MLLT3: variants seen among roughly 807,000 people sequenced by gnomAD.
The protein encoded by MLLT3 is protein AF-9.
In MLLT3, 4 loss-of-function variants were observed where a neutral mutation model predicts 53.2. The ratio of observed to expected loss-of-function variants is 0.08; its 90% confidence interval spans 0.04 to 0.17. The LOEUF is 0.17. Ranked by LOEUF, MLLT3 falls within the 10% of genes least tolerant of loss-of-function variation. The pLI is 1.00. For missense variants in MLLT3, 569 were observed against 684.0 expected (o/e 0.83, Z 1.87); for synonymous variants, 283 against 230.6 (o/e 1.23, Z -2.06).
chr9:20,438,480 GA>G (rs1398826263), intron 4 of MLLT3, among the ~76,000 whole-genome samples: 1 of 152,202 alleles, frequency 6.6e-6, no homozygotes, highest in Non-Finnish European at 1.5e-5. Context: ...TGCAGTAACA[GA>G]AATTATAACT....
intron 4 of MLLT3, among the ~76,000 whole-genome samples, chr9:20,431,580 T>C (rs778015281): frequency 2.0e-5 from 3 of 152,160 alleles, no homozygotes; most frequent in South Asian, 2.1e-4. Flanking sequence ...TTTATGTATA[T>C]GGGTACTTGA....
intron 2 of MLLT3, among the ~76,000 whole-genome samples, chr9:20,614,991 G>T (rs1000228561): frequency 6.8e-6 from 1 of 147,008 alleles, no homozygotes; most frequent in African/African-American, 2.5e-5. Flanking sequence ...TCTACAGAGG[G>T]GCACCTACAA....
At chr9:20,601,716 CTTT>C (rs5896906) in intron 2 of MLLT3, among the ~76,000 whole-genome samples, 1 of 151,918 alleles carries the variant, frequency 6.6e-6, no homozygotes, top group African/African-American at 2.4e-5. Context: ...TAAACCCTTT[CTTT>C]TTTTGTTCCT....
At chr9:20,611,318 A>G (rs1249909782) in intron 2 of MLLT3, among the ~76,000 whole-genome samples, 1 of 152,086 alleles carries the variant, frequency 6.6e-6, no homozygotes, top group African/African-American at 2.4e-5. Flanking sequence ...ATATCTGAAA[A>G]CATTAAGAGG....
intron 2 of MLLT3, among the ~76,000 whole-genome samples, chr9:20,603,001 G>C (rs1820469536): frequency 6.6e-6 from 1 of 151,976 alleles, no homozygotes; most frequent in African/African-American, 2.4e-5. Flanking sequence ...ATATGATATA[G>C]TCTCCCTCTA....
At chr9:20,605,850 T>C (rs1193911786) in intron 2 of MLLT3, among the ~76,000 whole-genome samples, 2 of 152,114 alleles carry the variant, frequency 1.3e-5, no homozygotes, top group Admixed American at 1.3e-4. Flanking sequence ...TCACTTCAAC[T>C]ATTAAGCATT....
intron 2 of MLLT3, among the ~76,000 whole-genome samples, chr9:20,513,751 A>G (rs1371948374): frequency 2.0e-5 from 3 of 152,200 alleles, no homozygotes; most frequent in African/African-American, 7.2e-5. Flanking sequence ...AGGAACCGGG[A>G]GGAGGCAGGG....
At position 20,565,095 on chromosome 9, in the gene MLLT3, A is replaced by ATATATTAGG. The variant is rs1422737544; in HGVS notation, c.193+55550_193+55558dup. 2.6e-5 allele frequency among the ~76,000 whole-genome samples: 4 copies of ATATATTAGG among 152,202 alleles called. No individual in the cohort carries two copies. The East Asian group carries it at 7.7e-4, about 29-fold the overall frequency. On this transcript the variant is annotated intron_variant, in intron 2 of 10. Coordinates refer to ENST00000380338, the MANE Select transcript of MLLT3 (RefSeq NM_004529.4). ...CAAGGAATTAACTGCTTTATTCCAC[A>ATATATTAGG]TATATTAGGTAAAATCTCTGGTTTA...
intron 2 of MLLT3, among the ~76,000 whole-genome samples, chr9:20,563,480 C>A (rs1819271317): frequency 6.6e-6 from 1 of 152,012 alleles, no homozygotes; most frequent in Admixed American, 6.6e-5. Flanking sequence ...ACAAACCAGG[C>A]TAAATACATT....
chr9:20,613,310 A>G (rs1820745853), intron 2 of MLLT3, among the ~76,000 whole-genome samples: 1 of 152,236 alleles, frequency 6.6e-6, no homozygotes, highest in South Asian at 2.1e-4. Context: ...CAATTGTAAA[A>G]AAAAGATTCA....
At chr9:20,554,911 C>T (rs953438074) in intron 2 of MLLT3, among the ~76,000 whole-genome samples, 5 of 152,104 alleles carry the variant, frequency 3.3e-5, no homozygotes, top group Admixed American at 6.5e-5. Context: ...GATACTCAAA[C>T]GGAAGTGGCT....
chr9:20,482,755 T>C (rs2118907270), intron 2 of MLLT3, among the ~76,000 whole-genome samples: 1 of 152,324 alleles, frequency 6.6e-6, no homozygotes, highest in Non-Finnish European at 1.5e-5. Context: ...TCTTTTTTAA[T>C]CCAAGAAGAG....
chr9:20,565,131 T>C (rs1413870573), intron 2 of MLLT3, among the ~76,000 whole-genome samples: 9 of 149,958 alleles, frequency 6.0e-5, no homozygotes, highest in African/African-American at 2.5e-5. Context: ...CTGACTGATA[T>C]GTTTTTTTTT....
intron 5 of MLLT3, among the ~76,000 whole-genome samples, chr9:20,386,094 G>T (rs963084318): frequency 8.5e-5 from 13 of 152,162 alleles, no homozygotes; most frequent in African/African-American, 2.7e-4. Context: ...TTCATATACA[G>T]AACATGTAGA....
At chr9:20,468,048 T>C (rs1432005207) in intron 2 of MLLT3, among the ~76,000 whole-genome samples, 2 of 152,326 alleles carry the variant, frequency 1.3e-5, no homozygotes, top group African/African-American at 4.8e-5. Context: ...CTTGGACATA[T>C]TATGTTCAGT....
At chr9:20,485,368 C>G (rs1267346938) in intron 2 of MLLT3, among the ~76,000 whole-genome samples, 2 of 152,132 alleles carry the variant, frequency 1.3e-5, no homozygotes, top group African/African-American at 4.8e-5. Flanking sequence ...TGTAAAATAT[C>G]TGTTTTGTTA....
rs181818104 is a variant in MLLT3 at position 20,375,350 on chromosome 9, G to A, written c.1126-9606C>T. Among the ~76,000 whole-genome samples the A allele has an allele frequency of 3.2e-4, 49 of 152,208 alleles. 1 individual carries two copies. Among genetic ancestry groups the A allele is most frequent in the African/African-American group, 1.0e-3 (42 of 41,450 alleles). ...AAAAGGGCAATTAATTTAAAGCAGT[G>A]TTCTGAACATACTAACACCCTTTTA... On this transcript the variant is annotated intron_variant, in intron 5 of 10. Coordinates refer to ENST00000380338, the MANE Select transcript of MLLT3 (RefSeq NM_004529.4).
intron 9 of MLLT3, 23 bp downstream of exon 9, chr9:20,354,785 C>T (rs1406125956): frequency 5.3e-6 from 8 of 1,521,026 alleles, no homozygotes; most frequent in Admixed American, 1.7e-5. Context: ...TGGAGCCCTC[C>T]TAGTAACAGA....
chr9:20,585,052 T>C (rs1444962027), intron 2 of MLLT3, among the ~76,000 whole-genome samples: 3 of 152,356 alleles, frequency 2.0e-5, no homozygotes, highest in East Asian at 1.9e-4. Context: ...AATCACATGA[T>C]GCATTAATCT....
Sources: gnomAD v4.1 joint callset for allele counts (sites outside exome capture counted in the v4.1 genomes callset) on GRCh38, gnomAD v4.1.1 for gene constraint, MANE v1.5 for transcripts, NCBI Gene and HGNC (gene_info 2026-07-23, HGNC 2026-07-21) for gene names.